SLC12A2: variants seen among roughly 807,000 people sequenced by gnomAD.
The protein encoded by SLC12A2 is Na-K-2Cl cotransporter 1.
Under a neutral mutation model 136.3 loss-of-function variants are expected in SLC12A2, and 67 were observed. The ratio of observed to expected loss-of-function variants is 0.49; its 90% CI spans 0.40 to 0.60. SLC12A2 has a LOEUF of 0.60. Ranked by LOEUF, SLC12A2 falls within the 20% of genes least tolerant of loss-of-function variation. The pLI is 0.00. For missense variants in SLC12A2, 1,322 were observed against 1,534.7 expected (o/e 0.86, Z 2.32); for synonymous variants, 619 against 562.9 (o/e 1.10, Z -1.41).
intron 1 of SLC12A2, among the ~76,000 whole-genome samples, chr5:128,098,816 T>C (rs1760639389): frequency 6.6e-6 from 1 of 152,090 alleles, no homozygotes. Context: ...TGTAATTTGG[T>C]GGCCAGCAGA....
intron 4 of SLC12A2, among the ~76,000 whole-genome samples, chr5:128,126,565 T>A (rs978165956): frequency 1.3e-5 from 2 of 152,214 alleles, no homozygotes; most frequent in Non-Finnish European, 1.5e-5. Context: ...GAGAGATAGC[T>A]GCACTCCCAT....
intron 14 of SLC12A2, among the ~76,000 whole-genome samples, chr5:128,152,007 G>A (rs557030587): frequency 5.8e-4 from 88 of 152,170 alleles, no homozygotes; most frequent in African/African-American, 1.9e-3. Context: ...GATTGGTCCC[G>A]GTATTGAGCA....
At chr5:128,151,496 T>C in intron 14 of SLC12A2, 100 bp downstream of exon 14, 1 of 1,118,484 alleles carries the variant, frequency 8.9e-7, no homozygotes, top group Non-Finnish European at 1.3e-6. Flanking sequence ...GCATCATCTT[T>C]TGTATATTTG....
intron 19 of SLC12A2, among the ~76,000 whole-genome samples, chr5:128,173,696 AAAG>A (rs1561703479): frequency 6.6e-6 from 1 of 152,192 alleles, no homozygotes. Flanking sequence ...TTAAGATTAA[AAAG>A]AAGATTAAGG....
chr5:128,126,955 TA>T (rs1761818665), intron 4 of SLC12A2, among the ~76,000 whole-genome samples: 2 of 34,470 alleles, frequency 5.8e-5, no homozygotes, highest in African/African-American at 4.4e-4. Context: ...TATATATATA[TA>T]TATATATATA....
intron 1 of SLC12A2, among the ~76,000 whole-genome samples, chr5:128,097,998 G>A (rs757265595): frequency 1.3e-5 from 2 of 151,990 alleles, no homozygotes; most frequent in East Asian, 1.9e-4. Flanking sequence ...AGCCTTTTCA[G>A]TATGCCATTT....
chr5:128,096,017 ATTAAG>A (rs1234149332), intron 1 of SLC12A2, among the ~76,000 whole-genome samples: 1 of 152,142 alleles, frequency 6.6e-6, no homozygotes, highest in Non-Finnish European at 1.5e-5. Context: ...ACTGAATTAA[ATTAAG>A]TTGTCAGTTA....
chr5:128,184,077 C>CACT (rs1184138799), intron 24 of SLC12A2, among the ~76,000 whole-genome samples: 4 of 151,942 alleles, frequency 2.6e-5, no homozygotes, highest in African/African-American at 7.2e-5. Flanking sequence ...TTCCATTAGA[C>CACT]ATCGTATTGG....
chr5:128,098,263 T>A (rs1760615473), intron 1 of SLC12A2, among the ~76,000 whole-genome samples: 1 of 152,082 alleles, frequency 6.6e-6, no homozygotes, highest in Admixed American at 6.6e-5. Context: ...CATTTCAAAA[T>A]TTTTTTCATG....
intron 19 of SLC12A2, 141 bp from the exon 20 acceptor site, chr5:128,174,400 C>T: frequency 1.7e-6 from 1 of 577,210 alleles, no homozygotes; most frequent in South Asian, 2.5e-5. Context: ...TCATTTCAAA[C>T]AGATTATCAT....
intron 22 of SLC12A2, among the ~76,000 whole-genome samples, chr5:128,180,364 C>G (rs142510212): frequency 1.3e-5 from 2 of 152,238 alleles, no homozygotes; most frequent in African/African-American, 4.8e-5. Context: ...GTAACCCTTT[C>G]CAAGGAATGC....
At chr5:128,171,796 T>G in intron 19 of SLC12A2, 50 bp downstream of exon 19, 1 of 1,085,876 alleles carries the variant, frequency 9.2e-7, no homozygotes, top group Non-Finnish European at 1.4e-6. Flanking sequence ...ATAAACTACT[T>G]TGTTAGAAAA....
At chr5:128,167,914 A>G (rs770113215) in intron 18 of SLC12A2, 47 bp downstream of exon 18, 1 of 1,157,256 alleles carries the variant, frequency 8.6e-7, no homozygotes, top group Non-Finnish European at 1.2e-6. Flanking sequence ...AGAAAATGTT[A>G]ATTTTGAAAG....
intron 10 of SLC12A2, among the ~76,000 whole-genome samples, chr5:128,145,385 G>A (rs1333837526): frequency 6.6e-6 from 1 of 151,994 alleles, no homozygotes; most frequent in African/African-American, 2.4e-5. Context: ...GATCTAATGA[G>A]GCTGTATAGC....
At chr5:128,160,609 A>AC (rs1333779998) in intron 16 of SLC12A2, among the ~76,000 whole-genome samples, 1 of 152,028 alleles carries the variant, frequency 6.6e-6, no homozygotes, top group African/African-American at 2.4e-5. Context: ...AAAATAATGA[A>AC]CCTTTTTTAA....
intron 1 of SLC12A2, chr5:128,110,548 T>G: frequency 1.5e-6 from 2 of 1,323,122 alleles, no homozygotes; most frequent in Non-Finnish European, 1.1e-6. Context: ...GAAACACATT[T>G]CATTTTTTGA....
chr5:128,158,212 AT>A, intron 16 of SLC12A2, 48 bp downstream of exon 16: 1 of 1,400,528 alleles, frequency 7.1e-7, no homozygotes. Context: ...TTAAAGTTTT[AT>A]TTTAGGTTCA....
At chr5:128,170,429 C>T (rs1356769206) in intron 18 of SLC12A2, 2 of 152,098 alleles carry the variant, frequency 1.3e-5, no homozygotes, top group African/African-American at 2.4e-5. Context: ...CAACAAAAGA[C>T]CTTTTATAAC....
chr5:128,132,702 A>G (rs1762065222), intron 5 of SLC12A2, among the ~76,000 whole-genome samples: 1 of 152,208 alleles, frequency 6.6e-6, no homozygotes, highest in Admixed American at 6.5e-5. Flanking sequence ...TCTGACAAGG[A>G]TTGACACCTG....
Sources: gnomAD v4.1 joint callset for allele counts (sites outside exome capture counted in the v4.1 genomes callset) on GRCh38, gnomAD v4.1.1 for gene constraint, MANE v1.5 for transcripts, NCBI Gene and HGNC (gene_info 2026-07-23, HGNC 2026-07-21) for gene names.